The following AUH variants were observed in gnomAD, a reference collection of about 807,000 sequenced individuals.
The protein encoded by AUH is AU RNA binding methylglutaconyl-CoA hydratase, also known as methylglutaconyl-CoA hydratase, mitochondrial.
AUH carries 29 observed loss-of-function variants against 42.3 expected under a neutral mutation model. The observed-to-expected ratio is 0.69, with a 90% CI of 0.51 to 0.93. The LOEUF is 0.93. AUH is among the 40% of genes least tolerant of loss of function. AUH has a pLI of 0.00. For missense variants in AUH, 452 were observed against 438.1 expected, an observed-to-expected ratio of 1.03 and a Z score of -0.28; for synonymous variants, 174 against 166.4, an observed-to-expected ratio of 1.05 and a Z score of -0.35.
intron 6 of AUH, among the ~76,000 whole-genome samples, chr9:91,279,157 T>C (rs1264270352): frequency 6.6e-6 from 1 of 152,116 alleles, no homozygotes; most frequent in East Asian, 1.9e-4. Flanking sequence ...TGAAGAAAAA[T>C]TATCGCAAAC....
chr9:91,301,750 CAGGCACCAT>C (rs1827801677), intron 4 of AUH, among the ~76,000 whole-genome samples: 1 of 152,130 alleles, frequency 6.6e-6, no homozygotes, highest in South Asian at 2.1e-4. Context: ...GAGCAAGTCT[CAGGCACCAT>C]ATGCCTTACA....
chr9:91,256,313 T>G (rs1829400430), intron 6 of AUH, among the ~76,000 whole-genome samples: 1 of 152,144 alleles, frequency 6.6e-6, no homozygotes, highest in African/African-American at 2.4e-5. Flanking sequence ...GAAGTGGGAC[T>G]GACCTGCTAC....
chr9:91,242,769 A>C (rs1828591526), intron 6 of AUH, among the ~76,000 whole-genome samples: 1 of 152,250 alleles, frequency 6.6e-6, no homozygotes, highest in African/African-American at 2.4e-5. Flanking sequence ...ACTGCATGTT[A>C]GAAACACAAA....
intron 6 of AUH, among the ~76,000 whole-genome samples, chr9:91,239,585 GAGC>G (rs1488037808): frequency 6.6e-6 from 1 of 152,276 alleles, no homozygotes; most frequent in Admixed American, 6.5e-5. Context: ...AAAGAGGAGT[GAGC>G]TATGTGAACA....
In AUH at chr9:91,302,624, G is replaced by C. The variant is rs1212258479; in HGVS notation, c.506-4548C>G. Among the ~76,000 whole-genome samples, 6 of 151,632 alleles carry C rather than the reference G, an allele frequency of 4.0e-5. No individual in the cohort carries two copies. The South Asian group carries it at 1.0e-3, about 26-fold the overall frequency. ...AACGAACAAACAAACAAAAAAATTA[G>C]CCAGACATGGTGGTGCGTGCCTGTA... On this transcript the variant is annotated intron_variant, in intron 4 of 9. Coordinates refer to ENST00000375731, the MANE Select transcript of AUH (RefSeq NM_001698.3).
intron 3 of AUH, among the ~76,000 whole-genome samples, chr9:91,332,637 A>T (rs891260156): frequency 6.6e-6 from 1 of 152,140 alleles, no homozygotes. Context: ...CAGGCTGGGG[A>T]GCACAGCTTT....
chr9:91,336,893 C>A (rs1830736179), intron 3 of AUH, among the ~76,000 whole-genome samples: 1 of 152,142 alleles, frequency 6.6e-6, no homozygotes, highest in African/African-American at 2.4e-5. Context: ...TCTTTGCTCC[C>A]TAATTGCAAT....
At chr9:91,279,493 A>C (rs1825802259) in intron 6 of AUH, among the ~76,000 whole-genome samples, 1 of 152,202 alleles carries the variant, frequency 6.6e-6, no homozygotes, top group African/African-American at 2.4e-5. Context: ...GTGCTGTATC[A>C]GCATCTGCTT....
At chr9:91,357,834 G>T (rs1832547807) in intron 1 of AUH, among the ~76,000 whole-genome samples, 1 of 152,216 alleles carries the variant, frequency 6.6e-6, no homozygotes, top group South Asian at 2.1e-4. Context: ...AGTGACCAAT[G>T]AAAGTAAAGA....
At chr9:91,354,955 C>A (rs1832294152) in intron 3 of AUH, among the ~76,000 whole-genome samples, 2 of 152,014 alleles carry the variant, frequency 1.3e-5, no homozygotes, top group Non-Finnish European at 2.9e-5. Context: ...ATACATAAAA[C>A]CCTTATAAGC....
chr9:91,225,013 C>T (rs571161457), intron 6 of AUH, among the ~76,000 whole-genome samples: 1 of 152,272 alleles, frequency 6.6e-6, no homozygotes, highest in East Asian at 1.9e-4. Context: ...AAGATTTTTA[C>T]AAATATCTCC....
intron 6 of AUH, among the ~76,000 whole-genome samples, chr9:91,222,847 A>G (rs550558295): frequency 1.3e-5 from 2 of 152,348 alleles, no homozygotes; most frequent in South Asian, 4.1e-4. Flanking sequence ...TTTAATGTAG[A>G]CTGGTCACAA....
intron 6 of AUH, among the ~76,000 whole-genome samples, chr9:91,295,541 G>A (rs2131642342): frequency 6.6e-6 from 1 of 152,258 alleles, no homozygotes; most frequent in East Asian, 1.9e-4. Context: ...CTGCACTGCT[G>A]TCCTTGGAAA....
chr9:91,268,454 G>A (rs559937910), intron 6 of AUH, among the ~76,000 whole-genome samples: 129 of 151,774 alleles, frequency 8.5e-4, no homozygotes, highest in African/African-American at 3.0e-3. Flanking sequence ...TTTAAGAGAC[G>A]GAGTCTCACT....
intron 3 of AUH, among the ~76,000 whole-genome samples, chr9:91,344,441 C>G (rs939355094): frequency 6.6e-6 from 1 of 152,174 alleles, no homozygotes; most frequent in Non-Finnish European, 1.5e-5. Flanking sequence ...AGACTGAACA[C>G]CTTGGGCACA....
At chr9:91,228,086 T>C (rs1341554567) in intron 6 of AUH, among the ~76,000 whole-genome samples, 1 of 152,144 alleles carries the variant, frequency 6.6e-6, no homozygotes, top group Admixed American at 6.5e-5. Context: ...TTAGGGAGGA[T>C]TCCCTCTTTT....
At chr9:91,325,247 T>G (rs1189255083) in intron 4 of AUH, 71 bp downstream of exon 4, 14 of 1,210,940 alleles carry the variant, frequency 1.2e-5, no homozygotes, top group Non-Finnish European at 1.7e-5. Flanking sequence ...TTATATATAA[T>G]GTGTAACTTT....
At chr9:91,230,041 T>C in intron 6 of AUH, among the ~76,000 whole-genome samples, 1 of 151,370 alleles carries the variant, frequency 6.6e-6, no homozygotes, top group East Asian at 1.9e-4. Flanking sequence ...TGTCTTGGAG[T>C]TGCTCTTCTC....
intron 1 of AUH, among the ~76,000 whole-genome samples, chr9:91,360,628 C>T (rs1448283036): frequency 6.6e-6 from 1 of 152,196 alleles, no homozygotes; most frequent in African/African-American, 2.4e-5. Context: ...AATCCACTGC[C>T]TATTAAAGAA....
Sources: gnomAD v4.1 joint callset for allele counts (sites outside exome capture counted in the v4.1 genomes callset) on GRCh38, gnomAD v4.1.1 for gene constraint, MANE v1.5 for transcripts, NCBI Gene and HGNC (gene_info 2026-07-23, HGNC 2026-07-21) for gene names.